MYLK4: variants seen among roughly 807,000 people sequenced by gnomAD.
MYLK4 encodes caMLCK like.
MYLK4 carries 46 observed loss-of-function variants against 48.1 expected under a neutral mutation model. The observed-to-expected ratio is 0.96, with a 90% CI of 0.75 to 1.22. The LOEUF is 1.22. Among genes scored for constraint, MYLK4 ranks in the 50% most tolerant of loss-of-function variants. The probability of loss-of-function intolerance (pLI) is 0.00; values close to 1 mark genes in which losing one functional copy is unlikely to be tolerated. For synonymous variants in MYLK4, 170 were observed against 180.8 expected (o/e 0.94, Z 0.48); for missense variants, 451 against 486.1 (o/e 0.93, Z 0.68).
intron 2 of MYLK4, among the ~76,000 whole-genome samples, chr6:2,745,015 G>A (rs939510738): frequency 2.0e-5 from 3 of 152,190 alleles, no homozygotes; most frequent in African/African-American, 7.2e-5. Flanking sequence ...TTTGGATGGA[G>A]GATGAGTAAC....
chr6:2,757,605 T>C, the MYLK4 span, among the ~76,000 whole-genome samples: 1 of 141,064 alleles, frequency 7.1e-6, no homozygotes, highest in Non-Finnish European at 1.6e-5. Context: ...GATACTTCCA[T>C]AAAAAAAAAA....
At chr6:2,770,329 C>T in the MYLK4 span, 1 of 1,614,046 alleles carries the variant, frequency 6.2e-7, no homozygotes, top group Admixed American at 1.7e-5. Flanking sequence ...GTCCCACTGA[C>T]CCTCTGAGCC....
chr6:2,746,002 CA>C (rs1293512948), intron 2 of MYLK4, among the ~76,000 whole-genome samples: 4 of 151,668 alleles, frequency 2.6e-5, no homozygotes, highest in Non-Finnish European at 5.9e-5. Context: ...CCTGTAATCT[CA>C]GCACTTTGGG....
intron 2 of MYLK4, among the ~76,000 whole-genome samples, chr6:2,731,666 G>A (rs905504338): frequency 6.6e-6 from 1 of 152,164 alleles, no homozygotes; most frequent in Non-Finnish European, 1.5e-5. Context: ...TAAGGTTGGT[G>A]GGGGAGGGGA....
the MYLK4 span, chr6:2,766,224 G>A: frequency 1.3e-6 from 2 of 1,489,682 alleles, no homozygotes; most frequent in Non-Finnish European, 1.8e-6. Context: ...ACCGCCTTCG[G>A]GGCCAGTGGC....
intron 4 of MYLK4, among the ~76,000 whole-genome samples, chr6:2,687,019 C>T (rs1761584135): frequency 6.6e-6 from 1 of 152,140 alleles, no homozygotes; most frequent in Non-Finnish European, 1.5e-5. Flanking sequence ...AGGCCAACTC[C>T]CAGGATTCAT....
chr6:2,754,863 T>C (rs1446487163), upstream of MYLK4, among the ~76,000 whole-genome samples: 1 of 152,218 alleles, frequency 6.6e-6, no homozygotes, highest in Non-Finnish European at 1.5e-5. Context: ...CAGGAGACAG[T>C]TAAGAGTCTC....
At chr6:2,755,415 A>G (rs1029614237), upstream of MYLK4, among the ~76,000 whole-genome samples, 1 of 152,210 alleles carries the variant, frequency 6.6e-6, no homozygotes, top group Non-Finnish European at 1.5e-5. Context: ...GAATTGGTGT[A>G]TGTTTCTTGA....
chr6:2,740,472 C>T (rs964555063), intron 2 of MYLK4, among the ~76,000 whole-genome samples: 7 of 152,324 alleles, frequency 4.6e-5, no homozygotes, highest in African/African-American at 1.4e-4. Flanking sequence ...GTGGAGATGG[C>T]GCCCGGGGAA....
chr6:2,769,026 T>C, the MYLK4 span: 2 of 729,678 alleles, frequency 2.7e-6, no homozygotes, highest in African/African-American at 1.8e-5. Context: ...TCAAGCCTAT[T>C]TCTCCATACA....
Position 2,749,306 on chromosome 6 carries a change from G to T in MYLK4, c.-12C>A. ...TTCACTTTTAACATCTTAGTAGTGAGTCCGATTAAGCTACTTTCTGGAGTG... is the reference window on the plus strand; with the variant it reads ...TTCACTTTTAACATCTTAGTAGTGATTCCGATTAAGCTACTTTCTGGAGTG... On this transcript the variant is annotated 5_prime_UTR_variant, in exon 2 of 13. Coordinates refer to ENST00000274643, the MANE Select transcript of MYLK4 (RefSeq NM_001012418.5). 1.2e-6 allele frequency: 2 copies of T among 1,607,980 alleles called. No individual in the cohort carries two copies. Among genetic ancestry groups the T allele is most frequent in the South Asian group, 1.1e-5 (1 of 90,436 alleles).
chr6:2,677,198 G>T (rs899198814), intron 10 of MYLK4, among the ~76,000 whole-genome samples: 6 of 152,052 alleles, frequency 3.9e-5, no homozygotes, highest in African/African-American at 9.7e-5. Context: ...TTATTAGATG[G>T]TGAGTTACTA....
chr6:2,699,287 CT>C (rs56959282), intron 2 of MYLK4, among the ~76,000 whole-genome samples: 30 of 77,898 alleles, frequency 3.9e-4, no homozygotes, highest in African/African-American at 1.5e-3. Context: ...CTTTTCTTTT[CT>C]TTTTTTTTTT....
intron 12 of MYLK4, among the ~76,000 whole-genome samples, chr6:2,670,098 G>A (rs1182325356): frequency 6.6e-6 from 1 of 152,200 alleles, no homozygotes; most frequent in Non-Finnish European, 1.5e-5. Context: ...AGGCCCGGTG[G>A]CTCACGCCTG....
chr6:2,765,780 G>A, the MYLK4 span: 1 of 1,443,420 alleles, frequency 6.9e-7, no homozygotes, highest in Non-Finnish European at 9.1e-7. Context: ...CCCGCGGCCG[G>A]GTCGCACCGC....
intron 3 of MYLK4, 99 bp downstream of exon 3, chr6:2,692,685 A>G: frequency 1.1e-6 from 1 of 906,630 alleles, no homozygotes; most frequent in Non-Finnish European, 1.6e-6. Context: ...TTCTTCCTGC[A>G]CAGGGCTTTA....
chr6:2,743,467 C>T (rs543433071), intron 2 of MYLK4, among the ~76,000 whole-genome samples: 88 of 152,278 alleles, frequency 5.8e-4, no homozygotes, highest in African/African-American at 1.8e-3. Flanking sequence ...CATTATCAGG[C>T]GACAGCTCAA....
intron 7 of MYLK4, among the ~76,000 whole-genome samples, chr6:2,682,634 G>T (rs1404323577): frequency 6.6e-6 from 1 of 152,178 alleles, no homozygotes; most frequent in Non-Finnish European, 1.5e-5. Context: ...GATTCTTGGA[G>T]ACCTGGAAAG....
At chr6:2,702,819 C>T (rs1158249291) in intron 2 of MYLK4, among the ~76,000 whole-genome samples, 1 of 152,172 alleles carries the variant, frequency 6.6e-6, no homozygotes, top group East Asian at 1.9e-4. Flanking sequence ...GTTAAGTACA[C>T]AGCTAGTACA....
Sources: allele counts gnomAD v4.1 joint callset (sites outside exome capture counted in the v4.1 genomes callset), GRCh38; gene constraint gnomAD v4.1.1; transcripts MANE v1.5; gene names NCBI Gene and HGNC (gene_info 2026-07-23, HGNC 2026-07-21).